HSPE1: variants seen among roughly 807,000 people sequenced by gnomAD.
HSPE1 encodes 10 kDa heat shock protein, mitochondrial.
HSPE1 carries 1 observed loss-of-function variant against 13.2 expected under a neutral mutation model. The ratio of observed to expected loss-of-function variants is 0.08; its 90% CI spans 0.03 to 0.36. HSPE1 has a LOEUF of 0.36. Ranked by LOEUF, HSPE1 falls within the 10% of genes least tolerant of loss-of-function variation. The pLI, the probability that HSPE1 is intolerant of heterozygous loss-of-function variation, is 0.99. For missense variants in HSPE1, 73 were observed against 118.7 expected (o/e 0.62, Z 1.79); for synonymous variants, 44 against 42.0 (o/e 1.05, Z -0.19).
At chr2:197,502,983 T>A (rs2086274748) in intron 2 of HSPE1, 56 bp from the exon 3 acceptor site, 4 of 895,312 alleles carry the variant, frequency 4.5e-6, no homozygotes, top group Non-Finnish European at 1.8e-6. Flanking sequence ...AAAAGTTAAC[T>A]GTTTATGTTG....
In HSPE1 at chr2:197,500,429, A is replaced by C. The variant is rs2086235235; in HGVS notation, c.-8A>C. 1 of 1,584,958 alleles carries C rather than the reference A, an allele frequency of 6.3e-7. No homozygotes were observed. The highest frequency in any genetic ancestry group is 1.7e-5 in the Admixed American group (1 of 57,258). ...AGAGCAGAGTACGAGTCTGAGGCGGAGGGAGTAATGGTGAGTCCCGCGTGG... is the reference window on the plus strand; with the variant it reads ...AGAGCAGAGTACGAGTCTGAGGCGGCGGGAGTAATGGTGAGTCCCGCGTGG... On this transcript the variant is annotated 5_prime_UTR_variant, in exon 1 of 4. Transcript: ENST00000233893.
Position 197,503,423 on chromosome 2 carries a change from C to T in HSPE1, c.*164C>T. 1 of 472,352 alleles carries T rather than the reference C, an allele frequency of 2.1e-6. No homozygotes were observed. Among genetic ancestry groups the T allele is most frequent in the Non-Finnish European group, 3.7e-6 (1 of 267,446 alleles). The allele number at this position is 472,352 out of a possible 1,614,324, so 29.3% of individuals were successfully genotyped here. A position where few individuals can be genotyped will look rare whatever the true frequency, so the allele number is the denominator to read the frequency against. On this transcript the variant is annotated 3_prime_UTR_variant, in exon 4 of 4. Coordinates refer to ENST00000233893, the MANE Select transcript of HSPE1 (RefSeq NM_002157.3). ...AATTGTTTCCTTGTACTGATATAAA[C>T]ACTTCCAAATAAAAATATGTAAATG...
chr2:197,501,167 C>T lies in HSPE1; in HGVS notation c.97C>T (p.Leu33Phe). ...AETVTKGGIM[L>F]PEKSQGKVLQ... The stretch of plus-strand genomic sequence containing the variant: ...AACTGTAACCAAAGGAGGCATTATG[C>T]TTCCAGAAAAATCTCAAGGAAAAGT... The change falls in exon 2 of 4, where the codon CTT becomes TTT. Residue 33 changes from leucine to phenylalanine, a missense_variant. Leu to Phe is a conservative substitution (Grantham distance 22). Coordinates refer to ENST00000233893, the MANE Select transcript of HSPE1 (RefSeq NM_002157.3). The T allele has an allele frequency of 6.2e-7, 1 of 1,614,126 alleles. No individual in the cohort carries two copies. Among genetic ancestry groups the T allele is most frequent in the Non-Finnish European group, 8.5e-7 (1 of 1,180,008 alleles).
At position 197,503,360 on chromosome 2, in the gene HSPE1, A is replaced by G; in HGVS notation, c.*101A>G. 1.3e-6 allele frequency: 1 copy of G among 773,262 alleles called. No homozygotes were observed. 47.9% of individuals were successfully genotyped at this position (773,262 alleles called of 1,614,324 possible). On this transcript the variant is annotated 3_prime_UTR_variant, in exon 4 of 4. Coordinates refer to ENST00000233893, the MANE Select transcript of HSPE1 (RefSeq NM_002157.3). ...ATAATTTCCATATTTCTCTTTTATA[A>G]TAAACTAATGATAACTAATGACATC...
At chr2:197,502,995 G>A (rs760242924) in intron 2 of HSPE1, 44 bp from the exon 3 acceptor site, 3 of 1,037,596 alleles carry the variant, frequency 2.9e-6, no homozygotes, top group Non-Finnish European at 4.5e-6. Flanking sequence ...TTTATGTTGG[G>A]TGAACTAGAT....
At chr2:197,503,009 T>G in intron 2 of HSPE1, 30 bp from the exon 3 acceptor site, 1 of 1,274,492 alleles carries the variant, frequency 7.8e-7, no homozygotes, top group Non-Finnish European at 1.1e-6. Context: ...ACTAGATATC[T>G]TTGCTAATAA....
rs72914958 is a variant in HSPE1, at chr2:197,502,073, G to A, written c.168+835G>A. Among the ~76,000 whole-genome samples the A allele has an allele frequency of 5.2e-3, 794 of 152,264 alleles. 2 individuals carry two copies. The highest frequency in any genetic ancestry group is 7.5e-3 in the Non-Finnish European group (512 of 68,016). On this transcript the variant is annotated intron_variant, in intron 2 of 3. Transcript: ENST00000233893. ...AATTGAGAGGAAACTTGGACTGTTC[G>A]TTTAACCCCTAACACATTGAAATTG... is the stretch of plus-strand genomic sequence containing the variant.
intron 2 of HSPE1, 72 bp downstream of exon 2, chr2:197,501,310 T>C: frequency 6.8e-7 from 1 of 1,466,586 alleles, no homozygotes; most frequent in Non-Finnish European, 9.1e-7. Flanking sequence ...TCTGGAGTAT[T>C]AAAAGTCGCT....
chr2:197,500,945 A>G, intron 1 of HSPE1, 129 bp from the exon 2 acceptor site: 4 of 1,088,436 alleles, frequency 3.7e-6, no homozygotes, highest in Non-Finnish European at 5.3e-6. Flanking sequence ...GCGCTTCCTT[A>G]ACGAATAAGC....
Position 197,500,453 on chromosome 2 carries a change from G to T in HSPE1, c.3+14G>T. 6.3e-7 allele frequency: 1 copy of T among 1,592,498 alleles called. No homozygotes were observed. The highest frequency in any genetic ancestry group is 1.1e-5 in the South Asian group (1 of 88,300). On this transcript the variant is annotated intron_variant, in intron 1 of 3. Coordinates refer to ENST00000233893, the MANE Select transcript of HSPE1 (RefSeq NM_002157.3). ...GAGGGAGTAATGGTGAGTCCCGCGTGGCCCCGAGGCCTGCAGGCCCGGGCC... is the reference window on the plus strand; with the variant it reads ...GAGGGAGTAATGGTGAGTCCCGCGTTGCCCCGAGGCCTGCAGGCCCGGGCC...
At chr2:197,501,767 CAAAAA>C (rs11371120) in intron 2 of HSPE1, among the ~76,000 whole-genome samples, 6 of 128,376 alleles carry the variant, frequency 4.7e-5, no homozygotes, top group Non-Finnish European at 9.9e-5. Context: ...GATTCTGTCT[CAAAAA>C]AAAAAAAAAA....
intron 1 of HSPE1, 164 bp downstream of exon 1, chr2:197,500,603 C>T: frequency 1.8e-6 from 2 of 1,081,328 alleles, no homozygotes; most frequent in South Asian, 1.4e-5. Context: ...CGACCCTTTT[C>T]TCCCCCAGGG....
intron 2 of HSPE1, chr2:197,501,568 G>T: frequency 5.7e-6 from 1 of 175,320 alleles, no homozygotes; most frequent in Non-Finnish European, 1.2e-5. Flanking sequence ...TTCAAGACCA[G>T]CCTGACCAAC....
In HSPE1 at chr2:197,503,348, TTC is replaced by T. The variant is rs774616620; in HGVS notation, c.*93_*94del. 804 of 856,886 alleles carry T rather than the reference TTC, an allele frequency of 9.4e-4. 4 individuals are homozygous for T. Among genetic ancestry groups the T allele is most frequent in the South Asian group, 3.2e-3 (210 of 65,918 alleles). 53.1% of individuals were successfully genotyped at this position (856,886 alleles called of 1,614,324 possible). A position where few individuals can be genotyped will look rare whatever the true frequency, so the allele number is the denominator to read the frequency against. ...TTCGTCATGTAAATAATTTCCATAT[TTC>T]TCTTTTATAATAAACTAATGATAAC... On this transcript the variant is annotated 3_prime_UTR_variant, in exon 4 of 4. Coordinates refer to ENST00000233893, the MANE Select transcript of HSPE1 (RefSeq NM_002157.3).
chr2:197,500,887 G>GT (rs1553580849), intron 1 of HSPE1, 187 bp from the exon 2 acceptor site: 1 of 700,298 alleles, frequency 1.4e-6, no homozygotes, highest in Middle Eastern at 4.2e-4. Flanking sequence ...CCTAACAGAC[G>GT]TAAGGAATCG....
chr2:197,503,057 G>T lies in HSPE1; in HGVS notation c.187G>T (p.Val63Phe). ...SKGKGGEIQP[V>F]SVKVGDKVLL... Reference sequence around the variant, plus strand: ...TTTTAAGGGTGGAGAGATTCAACCAGTTAGCGTGAAAGTTGGAGATAAAGT... The same window carrying T: ...TTTTAAGGGTGGAGAGATTCAACCATTTAGCGTGAAAGTTGGAGATAAAGT... Residue 63 changes from valine (V) to phenylalanine (F), a missense_variant, in exon 3 of 4, where the codon GTT becomes TTT. Transcript: ENST00000233893. 1 of 1,602,108 alleles carries T rather than the reference G, an allele frequency of 6.2e-7. No individual in the cohort carries two copies.
rs140946214 is a variant in HSPE1, at chr2:197,502,121, T to C, written c.168+883T>C. ...TTGCCCTAATCTTAACCAGTTGGTA[T>C]ACCTGGTTGTATACCTACCAGAGGA... On this transcript the variant is annotated intron_variant, in intron 2 of 3. Transcript: ENST00000233893. Among the ~76,000 whole-genome samples the C allele has an allele frequency of 2.0e-3, 301 of 152,368 alleles. 1 individual carries two copies. Among genetic ancestry groups the C allele is most frequent in the African/African-American group, 6.6e-3 (273 of 41,590 alleles).
intron 3 of HSPE1, 37 bp downstream of exon 3, chr2:197,503,165 A>G: frequency 6.3e-7 from 1 of 1,576,562 alleles, no homozygotes; most frequent in African/African-American, 1.3e-5. Context: ...GAAGTCAGAT[A>G]TTTGCAATTA....
Position 197,502,426 on chromosome 2 carries a change from C to G in HSPE1, c.169-613C>G, listed in dbSNP as rs540423673. On this transcript the variant is annotated intron_variant, in intron 2 of 3. Transcript: ENST00000233893. Reference sequence around the variant, plus strand: ...TCTCAGCCAAAATACACAGTAAACGCCGTTGGGGCCAAATAATGTTAACTG... The same window carrying G: ...TCTCAGCCAAAATACACAGTAAACGGCGTTGGGGCCAAATAATGTTAACTG... Among the ~76,000 whole-genome samples, 350 of 152,224 alleles carry G rather than the reference C, an allele frequency of 2.3e-3. 1 individual carries two copies. The highest frequency in any genetic ancestry group is 8.0e-3 in the African/African-American group (333 of 41,526).
Sources: allele counts gnomAD v4.1 joint callset (sites outside exome capture counted in the v4.1 genomes callset), GRCh38; gene constraint gnomAD v4.1.1; transcripts MANE v1.5; gene names NCBI Gene and HGNC (gene_info 2026-07-23, HGNC 2026-07-21).